Variants in TEK observed in about 807,000 individuals in gnomAD.
The protein encoded by TEK is TEK receptor tyrosine kinase.
A neutral mutation model predicts 131.8 loss-of-function variants in TEK; 43 were observed. That is an observed-to-expected ratio of 0.33 (90% confidence interval 0.26 to 0.42). TEK has a LOEUF of 0.42. Among genes scored for constraint, TEK ranks in the 10% least tolerant of loss-of-function variants. TEK has a pLI of 1.00. For missense variants in TEK, 1,162 were observed against 1,384.4 expected (o/e 0.84, Z 2.55); for synonymous variants, 580 against 491.6 (o/e 1.18, Z -2.38).
In TEK at chr9:27,213,539, C is replaced by T. The variant is rs746131741; in HGVS notation, c.2933C>T (p.Ala978Val). The T allele has an allele frequency of 1.9e-6, 3 of 1,613,806 alleles. No individual in the cohort carries two copies. Among genetic ancestry groups the T allele is most frequent in the Non-Finnish European group, 2.5e-6 (3 of 1,179,902 alleles). Residue 978 changes from alanine to valine, a missense_variant, in exon 18 of 23, where the codon GCA becomes GTA. By Grantham distance (64) the Ala-to-Val change is moderately conservative. Around this residue, in one of 6 missense-constraint regions of TEK, gnomAD observed 107 missense variants for 173.9 expected, o/e 0.62. Transcript: ENST00000380036. ...RNILVGENYVAKIADFGLSRG... is the reference protein window; with the variant it reads ...RNILVGENYVVKIADFGLSRG... ...ATTTTAGTTGGTGAAAACTATGTGG[C>T]AAAAATAGCAGATTTTGGATTGTCC...
At position 27,180,293 on chromosome 9, in the gene TEK, A is replaced by G. The variant is rs944559197; in HGVS notation, c.955A>G (p.Asn319Asp). Residue 319 changes from asparagine to aspartate, a missense_variant, in exon 7 of 23, where the codon AAT (asparagine) becomes GAT (aspartate). Around this residue, in one of 6 missense-constraint regions of TEK, gnomAD observed 436 missense variants for 539.1 expected, o/e 0.81. Coordinates refer to ENST00000380036, the MANE Select transcript of TEK (RefSeq NM_000459.5). ...TTGTAAGCTTAGGTGCAGCTGCAAC[A>G]ATGGGGAGATGTGTGATCGCTTCCA... The part of the protein sequence containing the change: ...PDCKLRCSCN[N>D]GEMCDRFQGC... 1.1e-5 allele frequency: 17 copies of G among 1,613,918 alleles called. No homozygotes were observed. The highest frequency in any genetic ancestry group is 1.4e-5 in the Non-Finnish European group (17 of 1,179,898).
chr9:27,168,799 T>C (rs2066389164), intron 3 of TEK, among the ~76,000 whole-genome samples, 194 bp downstream of exon 3: 1 of 152,198 alleles, frequency 6.6e-6, no homozygotes, highest in Non-Finnish European at 1.5e-5. Flanking sequence ...GATATTAAAG[T>C]GGAATTCATA....
rs73427106 is a variant in TEK, at chr9:27,172,465, A to G, written c.629-151A>G. On this transcript the variant is annotated intron_variant, in intron 4 of 22. Transcript: ENST00000380036. ...TTTCCTGTTTACATGTCTGTCTCCC[A>G]TATTAGATGATGAGCTTTTAGAGAG... The G allele has an allele frequency of 2.5e-3, 2,708 of 1,083,072 alleles. 41 individuals are homozygous for G. The African/African-American group carries it at 0.037, about 15-fold the overall frequency. The allele number at this position is 1,083,072 out of a possible 1,614,324, so 67.1% of individuals were successfully genotyped here. A position where few individuals can be genotyped will look rare whatever the true frequency, so the allele number is the denominator to read the frequency against.
chr9:27,146,773 A>G (rs1481840039), intron 1 of TEK, among the ~76,000 whole-genome samples: 2 of 129,762 alleles, frequency 1.5e-5, no homozygotes, highest in Non-Finnish European at 3.1e-5. Flanking sequence ...TCTGTCTCCC[A>G]GGCTGGAGTG....
At chr9:27,111,859 T>C (rs1472469185) in intron 1 of TEK, among the ~76,000 whole-genome samples, 9 of 151,804 alleles carry the variant, frequency 5.9e-5, no homozygotes, top group Non-Finnish European at 1.3e-4. Context: ...AGGAAGTCTC[T>C]AGTCTCATGC....
At chr9:27,203,370 A>G (rs1825290190) in intron 13 of TEK, among the ~76,000 whole-genome samples, 1 of 152,222 alleles carries the variant, frequency 6.6e-6, no homozygotes, top group Non-Finnish European at 1.5e-5. Context: ...GAAAGCTCTG[A>G]GGAATATGAA....
At chr9:27,169,726 CAAA>C in intron 4 of TEK, 97 bp downstream of exon 4, 1 of 1,546,204 alleles carries the variant, frequency 6.5e-7, no homozygotes. Context: ...GCTTCTTAAG[CAAA>C]AACCAGGCAT....
chr9:27,201,432 G>A (rs1825209514), intron 12 of TEK, among the ~76,000 whole-genome samples: 1 of 152,138 alleles, frequency 6.6e-6, no homozygotes, highest in Non-Finnish European at 1.5e-5. Flanking sequence ...ATCTGAAAAT[G>A]TTGGTATTTC....
chr9:27,141,914 T>A (rs1424234070), intron 1 of TEK, among the ~76,000 whole-genome samples: 1 of 152,256 alleles, frequency 6.6e-6, no homozygotes, highest in Non-Finnish European at 1.5e-5. Flanking sequence ...AAACTTTATT[T>A]TTTTGAATTG....
chr9:27,148,558 G>T (rs1406679614), intron 1 of TEK, among the ~76,000 whole-genome samples: 2 of 152,204 alleles, frequency 1.3e-5, no homozygotes, highest in East Asian at 3.9e-4. Flanking sequence ...CAAGCCCAGT[G>T]GGAGAGCCCA....
chr9:27,228,122 C>A, intron 21 of TEK, 84 bp from the exon 22 acceptor site: 1 of 1,186,850 alleles, frequency 8.4e-7, no homozygotes, highest in Non-Finnish European at 1.2e-6. Flanking sequence ...CATTGGGTGG[C>A]TTCATTCTCT....
intron 11 of TEK, among the ~76,000 whole-genome samples, chr9:27,196,049 G>A (rs965475081): frequency 2.0e-5 from 3 of 152,202 alleles, no homozygotes; most frequent in Non-Finnish European, 1.5e-5. Context: ...TGAAAATCTT[G>A]CTAAGGGGAA....
chr9:27,167,019 C>T (rs1482953603), intron 2 of TEK, among the ~76,000 whole-genome samples: 1 of 152,128 alleles, frequency 6.6e-6, no homozygotes, highest in East Asian at 1.9e-4. Context: ...ATTGGCTTAA[C>T]TTAAAGCCTA....
In TEK at chr9:27,203,106, C is replaced by A; in HGVS notation, c.2196C>A (p.Leu732=). The change falls in exon 13 of 23, where the codon CTC becomes CTA. Residue 732 remains leucine (L), a synonymous_variant. Coordinates refer to ENST00000380036, the MANE Select transcript of TEK (RefSeq NM_000459.5). ...CCTTTTCTCATGAACTGGTGACCCT[C>A]CCAGAATCTCAAGGTTGGTTGAATG... is the stretch of plus-strand genomic sequence containing the variant. ...NPAFSHELVT[L]PESQAPADLG... 2 of 1,614,028 alleles carry A rather than the reference C, an allele frequency of 1.2e-6. No individual in the cohort carries two copies. The highest frequency in any genetic ancestry group is 1.7e-6 in the Non-Finnish European group (2 of 1,179,962).
At chr9:27,146,526 A>T (rs1822923501) in intron 1 of TEK, among the ~76,000 whole-genome samples, 2 of 152,160 alleles carry the variant, frequency 1.3e-5, no homozygotes, top group African/African-American at 4.8e-5. Flanking sequence ...GCAGTCGGAC[A>T]GTAGGTAGAA....
rs147227551 is a variant in TEK, at chr9:27,111,814, C to T, written c.52+2172C>T. On this transcript the variant is annotated intron_variant, in intron 1 of 22. Transcript: ENST00000380036. ...TAACAAAAAAATCACTGTGATTTAT[C>T]ATAGTATCTTCTACGTGATCAACAA... 1.6e-4 allele frequency among the ~76,000 whole-genome samples: 25 copies of T among 151,808 alleles called. No individual in the cohort carries two copies. In the South Asian group the frequency reaches 2.1e-3, roughly 13 times the overall value.
chr9:27,166,579 AT>A (rs779113671), intron 2 of TEK, among the ~76,000 whole-genome samples: 24 of 152,356 alleles, frequency 1.6e-4, no homozygotes, highest in African/African-American at 4.8e-4. Context: ...TTATCATTAC[AT>A]AATGACCATC....
chr9:27,115,487 A>C (rs1227879321), intron 1 of TEK, among the ~76,000 whole-genome samples: 1 of 151,914 alleles, frequency 6.6e-6, no homozygotes, highest in Non-Finnish European at 1.5e-5. Context: ...CAACAGAGCG[A>C]GACATTGTCT....
rs143936709 is a variant in TEK, at chr9:27,228,970, C to T, written c.3301-188C>T. Among the ~76,000 whole-genome samples, 488 of 152,208 alleles carry T rather than the reference C, an allele frequency of 3.2e-3. 3 individuals carry two copies. The highest frequency in any genetic ancestry group is 0.01 in the African/African-American group (424 of 41,512). ...ACAGTATGAAATCTTACTTGCAGAA[C>T]GCAAGGGGATGCATTTTAGGAAGAA... On this transcript the variant is annotated intron_variant, in intron 22 of 22. Coordinates refer to ENST00000380036, the MANE Select transcript of TEK (RefSeq NM_000459.5).
Sources: allele counts gnomAD v4.1 joint callset (sites outside exome capture counted in the v4.1 genomes callset), GRCh38; gene constraint gnomAD v4.1.1; regional missense constraint gnomAD v4.1.1; transcripts MANE v1.5; gene names NCBI Gene and HGNC (gene_info 2026-07-23, HGNC 2026-07-21).